The following PTPRD variants were observed in gnomAD, a reference collection of about 807,000 sequenced individuals.
The protein encoded by PTPRD is protein tyrosine phosphatase receptor type D.
In PTPRD, 34 loss-of-function variants were observed where a neutral mutation model predicts 214.5. The observed-to-expected ratio is 0.16, with a 90% confidence interval of 0.12 to 0.21. PTPRD has a LOEUF of 0.21. Ranked by LOEUF, PTPRD falls within the 10% of genes least tolerant of loss-of-function variation. The pLI is 1.00. For missense variants in PTPRD, 2,545 were observed against 2,398.7 expected (o/e 1.06, Z -1.27); for synonymous variants, 1,128 against 845.7 (o/e 1.33, Z -5.79).
chr9:8,544,621 C>T (rs1243765828), intron 14 of PTPRD, among the ~76,000 whole-genome samples: 5 of 151,618 alleles, frequency 3.3e-5, no homozygotes, highest in Non-Finnish European at 7.4e-5. Context: ...AGGCGCCAGC[C>T]ACTGTGCCCA....
At chr9:10,266,964 G>C (rs2094107552) in intron 3 of PTPRD, among the ~76,000 whole-genome samples, 1 of 151,966 alleles carries the variant, frequency 6.6e-6, no homozygotes, top group Non-Finnish European at 1.5e-5. Context: ...GCCGAGGCGG[G>C]CGAATCACCA....
At chr9:8,563,125 GGC>G (rs2087135957) in intron 14 of PTPRD, among the ~76,000 whole-genome samples, 1 of 151,880 alleles carries the variant, frequency 6.6e-6, no homozygotes, top group Admixed American at 6.6e-5. Context: ...GTGTCAGCTT[GGC>G]ACAAGAGTAT....
chr9:10,611,478 T>C (rs922406740), intron 2 of PTPRD, among the ~76,000 whole-genome samples: 1 of 152,200 alleles, frequency 6.6e-6, no homozygotes, highest in South Asian at 2.1e-4. Context: ...TATTGGCAAA[T>C]GTTAGACTAC....
chr9:9,881,939 C>G (rs1171148701), intron 5 of PTPRD, among the ~76,000 whole-genome samples: 1 of 152,080 alleles, frequency 6.6e-6, no homozygotes, highest in Non-Finnish European at 1.5e-5. Flanking sequence ...TCAAGTCACC[C>G]AGGCAACACC....
intron 4 of PTPRD, among the ~76,000 whole-genome samples, chr9:9,948,967 C>T (rs2093133338): frequency 6.6e-6 from 1 of 151,912 alleles, no homozygotes; most frequent in African/African-American, 2.4e-5. Context: ...ATGAGAAACA[C>T]TATATCTGAT....
At chr9:8,826,826 C>A (rs1238701427) in intron 11 of PTPRD, among the ~76,000 whole-genome samples, 1 of 152,024 alleles carries the variant, frequency 6.6e-6, no homozygotes, top group Non-Finnish European at 1.5e-5. Flanking sequence ...TAGAGCCTTG[C>A]GTGGTCTGGT....
intron 8 of PTPRD, among the ~76,000 whole-genome samples, chr9:9,495,704 A>G (rs2096148564): frequency 6.6e-6 from 1 of 152,034 alleles, no homozygotes; most frequent in Non-Finnish European, 1.5e-5. Context: ...TGCTTTCACT[A>G]TCCTTCAATT....
rs2092391176 is a variant in PTPRD, at chr9:9,588,807, G to T, written c.-286-14026C>A. 3.3e-5 allele frequency among the ~76,000 whole-genome samples: 5 copies of T among 151,832 alleles called. No individual in the cohort carries two copies. The South Asian group carries it at 1.0e-3, about 31-fold the overall frequency. On this transcript the variant is annotated intron_variant, in intron 7 of 45. Transcript: ENST00000381196. ...TCATCAATGTCATCATTTTAGCTGA[G>T]TATAATGAGGAATTATTAAGAGCCA...
chr9:8,861,773 T>C (rs547070194), intron 11 of PTPRD: 27 of 152,326 alleles, frequency 1.8e-4, no homozygotes, highest in African/African-American at 6.5e-4. Context: ...TCCAGCTAAA[T>C]GGAGAAACAC....
intron 11 of PTPRD, among the ~76,000 whole-genome samples, chr9:8,793,681 ATATTCTGT>A (rs1480080278): frequency 1.4e-4 from 22 of 152,320 alleles, no homozygotes; most frequent in Admixed American, 5.9e-4. Context: ...AATAACCATA[ATATTCTGT>A]TAGACATCAT....
At chr9:10,206,110 CA>C (rs111832856) in intron 3 of PTPRD, among the ~76,000 whole-genome samples, 35,950 of 134,280 alleles carry the variant, frequency 0.27, 5,291 homozygotes, top group African/African-American at 0.46. Flanking sequence ...AATTGTATCT[CA>C]AAAAAAAAAA....
intron 5 of PTPRD, among the ~76,000 whole-genome samples, chr9:9,897,463 A>G (rs2075311894): frequency 6.6e-6 from 1 of 152,068 alleles, no homozygotes; most frequent in African/African-American, 2.4e-5. Context: ...TTAGGAAACC[A>G]AAAAAAGTTT....
intron 3 of PTPRD, among the ~76,000 whole-genome samples, chr9:10,307,031 A>G (rs190272697): frequency 9.3e-4 from 142 of 152,254 alleles, no homozygotes; most frequent in South Asian, 1.2e-3. Context: ...GATATTTAGG[A>G]TATCTGTCAC....
chr9:9,149,381 G>A (rs1249628562), intron 10 of PTPRD, among the ~76,000 whole-genome samples: 2 of 152,182 alleles, frequency 1.3e-5, no homozygotes, highest in Non-Finnish European at 2.9e-5. Context: ...ACAAAGATAT[G>A]CAGAGAAAGA....
chr9:9,873,143 A>T (rs1001071854), intron 5 of PTPRD, among the ~76,000 whole-genome samples: 4 of 152,306 alleles, frequency 2.6e-5, no homozygotes, highest in African/African-American at 9.6e-5. Context: ...GTGAAGGAAG[A>T]TCCGACGAAG....
intron 4 of PTPRD, among the ~76,000 whole-genome samples, chr9:9,941,432 C>T (rs2091421562): frequency 6.6e-6 from 1 of 152,174 alleles, no homozygotes; most frequent in Non-Finnish European, 1.5e-5. Flanking sequence ...AAGTGATTCT[C>T]CTGCCTAAGC....
At chr9:9,930,182 C>A (rs181918458) in intron 5 of PTPRD, among the ~76,000 whole-genome samples, 12 of 152,254 alleles carry the variant, frequency 7.9e-5, no homozygotes, top group Admixed American at 2.6e-4. Flanking sequence ...GACATCAGCA[C>A]TGGAAACAGT....
intron 11 of PTPRD, among the ~76,000 whole-genome samples, chr9:8,971,250 T>C (rs993753264): frequency 8.6e-5 from 13 of 151,844 alleles, no homozygotes; most frequent in African/African-American, 2.9e-4. Context: ...AATTTATGTC[T>C]TTACTGAATA....
intron 39 of PTPRD, among the ~76,000 whole-genome samples, chr9:8,368,408 G>A (rs10977006): frequency 0.46 from 70,155 of 151,936 alleles, 19,712 homozygotes; most frequent in Non-Finnish European, 0.64. Context: ...TCTTAGGCAC[G>A]AAATGGGAAC....
Sources: gnomAD v4.1 joint callset for allele counts (sites outside exome capture counted in the v4.1 genomes callset) on GRCh38, gnomAD v4.1.1 for gene constraint, MANE v1.5 for transcripts, NCBI Gene and HGNC (gene_info 2026-07-23, HGNC 2026-07-21) for gene names.